LRBA: variants seen among roughly 807,000 people sequenced by gnomAD.
The protein encoded by LRBA is lipopolysaccharide-responsive and beige-like anchor protein.
LRBA carries 176 observed loss-of-function variants against 330.0 expected under a neutral mutation model. That is an observed-to-expected ratio of 0.53 (90% confidence interval 0.47 to 0.60). The LOEUF is 0.60. Ranked by LOEUF, LRBA falls within the 20% of genes least tolerant of loss-of-function variation. LRBA has a pLI of 0.00. For missense variants in LRBA, 3,259 were observed against 3,444.8 expected, an observed-to-expected ratio of 0.95 and a Z score of 1.35; for synonymous variants, 1,230 against 1,193.0, an observed-to-expected ratio of 1.03 and a Z score of -0.64.
intron 31 of LRBA, among the ~76,000 whole-genome samples, chr4:150,813,128 A>G (rs1347512514): frequency 6.6e-6 from 1 of 151,018 alleles, no homozygotes; most frequent in Non-Finnish European, 1.5e-5. Context: ...ACTGCACTCC[A>G]GCCTGGGAAA....
intron 37 of LRBA, among the ~76,000 whole-genome samples, chr4:150,624,540 T>C (rs1047516331): frequency 6.6e-6 from 1 of 152,244 alleles, no homozygotes; most frequent in South Asian, 2.1e-4. Flanking sequence ...CCTAAAGTTA[T>C]CCAAAGAGAA....
chr4:150,780,578 T>C (rs1324397631), intron 34 of LRBA, among the ~76,000 whole-genome samples: 1 of 150,406 alleles, frequency 6.6e-6, no homozygotes, highest in African/African-American at 2.4e-5. Flanking sequence ...TTATCAATGT[T>C]CTCAATGAGA....
intron 42 of LRBA, among the ~76,000 whole-genome samples, chr4:150,475,125 C>G (rs1030907032): frequency 1.3e-5 from 2 of 151,960 alleles, no homozygotes; most frequent in Admixed American, 6.6e-5. Flanking sequence ...GTGATAAAAC[C>G]CACATGAACA....
intron 17 of LRBA, among the ~76,000 whole-genome samples, chr4:150,890,903 C>T (rs192362939): frequency 6.6e-6 from 1 of 151,984 alleles, no homozygotes; most frequent in East Asian, 1.9e-4. Context: ...TACTATCTTG[C>T]AATTATTTTT....
intron 47 of LRBA, among the ~76,000 whole-genome samples, chr4:150,364,640 C>T (rs1260202837): frequency 6.6e-6 from 1 of 152,080 alleles, no homozygotes; most frequent in Non-Finnish European, 1.5e-5. Context: ...ATCTGGTGTG[C>T]CATGTTGATC....
At chr4:150,649,879 T>C (rs1291085753) in intron 37 of LRBA, among the ~76,000 whole-genome samples, 1 of 152,106 alleles carries the variant, frequency 6.6e-6, no homozygotes, top group Non-Finnish European at 1.5e-5. Context: ...TGTTTACAAA[T>C]ATGCGGGTGT....
chr4:150,586,951 G>C (rs964872648), intron 40 of LRBA, among the ~76,000 whole-genome samples: 5 of 152,024 alleles, frequency 3.3e-5, no homozygotes, highest in African/African-American at 1.2e-4. Context: ...TCAGTCATGG[G>C]ACAAAGTAGA....
chr4:150,916,523 T>C lies in LRBA; in HGVS notation c.772A>G (p.Arg258Gly), dbSNP rs764984777. ...GAATAGCCAAGACCTTTGCTGGTTC[T>C]GAAACTATAAAGAATAGTTTTCATT... ...DKDKPYLYCF[R>G]TSKGLGYSAH... Residue 258 changes from arginine to glycine, a missense_variant, in exon 7 of 57, where the codon AGA becomes GGA. Transcript: ENST00000651943. The C allele has an allele frequency of 6.2e-7, 1 of 1,612,884 alleles. No individual in the cohort carries two copies. The highest frequency in any genetic ancestry group is 8.5e-7 in the Non-Finnish European group (1 of 1,179,642).
At chr4:150,371,016 C>A (rs1676543957) in intron 47 of LRBA, among the ~76,000 whole-genome samples, 1 of 151,938 alleles carries the variant, frequency 6.6e-6, no homozygotes, top group Non-Finnish European at 1.5e-5. Flanking sequence ...TTCATTCCCA[C>A]CAAATGTGCC....
At chr4:150,881,253 A>G (rs184043058) in intron 17 of LRBA, among the ~76,000 whole-genome samples, 27 of 152,368 alleles carry the variant, frequency 1.8e-4, no homozygotes, top group African/African-American at 5.8e-4. Context: ...CAGCAAAGAC[A>G]TGAAATCAAC....
chr4:150,993,414 T>C (rs1742308904), intron 2 of LRBA, among the ~76,000 whole-genome samples: 1 of 152,100 alleles, frequency 6.6e-6, no homozygotes, highest in African/African-American at 2.4e-5. Context: ...AAAAAGCAAT[T>C]ATGTGATGGC....
rs529668805 is a variant in LRBA, at chr4:150,870,215, G to A, written c.2449+310C>T. ...AATTTAAGATAAAACTACCCCAATG[G>A]TTCTTGTAATTCTGCCTGACATCAC... is the stretch of plus-strand genomic sequence containing the variant. On this transcript the variant is annotated intron_variant, in intron 20 of 56. Coordinates refer to ENST00000651943, the MANE Select transcript of LRBA (RefSeq NM_001364905.1). Among the ~76,000 whole-genome samples, 14 of 152,218 alleles carry A rather than the reference G, an allele frequency of 9.2e-5. No individual in the cohort carries two copies. The South Asian group carries it at 2.7e-3, about 29-fold the overall frequency.
At chr4:150,709,507 G>A (rs1200980518) in intron 36 of LRBA, among the ~76,000 whole-genome samples, 1 of 151,832 alleles carries the variant, frequency 6.6e-6, no homozygotes, top group Non-Finnish European at 1.5e-5. Flanking sequence ...CCTTTCTCAT[G>A]CATAATCCAT....
chr4:150,643,243 T>C (rs1162070011), intron 37 of LRBA, among the ~76,000 whole-genome samples: 2 of 151,890 alleles, frequency 1.3e-5, no homozygotes, highest in Non-Finnish European at 2.9e-5. Context: ...TCCACAAATA[T>C]GTACTGAATA....
At chr4:151,000,900 G>A (rs1021285532) in intron 2 of LRBA, among the ~76,000 whole-genome samples, 8 of 152,204 alleles carry the variant, frequency 5.3e-5, no homozygotes, top group Admixed American at 2.6e-4. Context: ...GCTGGGAGCC[G>A]AGAGACAATC....
intron 48 of LRBA, among the ~76,000 whole-genome samples, chr4:150,342,302 A>C (rs958030881): frequency 2.0e-5 from 3 of 152,142 alleles, no homozygotes; most frequent in African/African-American, 7.2e-5. Context: ...CTATAAAAGA[A>C]TATATGTAAT....
At position 150,302,777 on chromosome 4, in the gene LRBA, A is replaced by G. The variant is rs541116943; in HGVS notation, c.7865T>C (p.Val2622Ala). The change falls in exon 53 of 57, where the codon GTG becomes GCG. Residue 2622 changes from valine (V) to alanine (A), a missense_variant. By Grantham distance (64) the Val-to-Ala change is moderately conservative. Transcript: ENST00000651943. ...YSTDTGRLIQ[V>A]VFGHWDVVTC... ...GACGACATCCCAATGGCCAAACACC[A>G]CTTGGATCAATCTTCCTGTAATGCA... 7.5e-5 allele frequency: 120 copies of G among 1,596,622 alleles called. No individual in the cohort carries two copies. The highest frequency in any genetic ancestry group is 1.0e-4 in the Non-Finnish European group (120 of 1,171,950).
chr4:150,972,615 T>C (rs1317021216), intron 2 of LRBA, among the ~76,000 whole-genome samples: 1 of 152,164 alleles, frequency 6.6e-6, no homozygotes, highest in Non-Finnish European at 1.5e-5. Context: ...TTAAAAAACG[T>C]ATTTCACATT....
intron 36 of LRBA, among the ~76,000 whole-genome samples, chr4:150,729,718 G>A (rs958403036): frequency 2.6e-5 from 4 of 152,014 alleles, no homozygotes; most frequent in Admixed American, 2.0e-4. Flanking sequence ...TAAAACTGGA[G>A]GAATCAGATT....
Sources: gnomAD v4.1 joint callset for allele counts (sites outside exome capture counted in the v4.1 genomes callset) on GRCh38, gnomAD v4.1.1 for gene constraint, MANE v1.5 for transcripts, NCBI Gene and HGNC (gene_info 2026-07-23, HGNC 2026-07-21) for gene names.